XRCC5: variants seen among roughly 807,000 people sequenced by gnomAD.
XRCC5 encodes the protein X-ray repair cross complementing 5.
A neutral mutation model predicts 95.7 loss-of-function variants in XRCC5; 12 were observed. The ratio of observed to expected loss-of-function variants is 0.13; its 90% CI spans 0.08 to 0.20. The LOEUF (loss-of-function observed/expected upper bound fraction) is 0.20, where lower values mean the gene tolerates loss of function less well. Ranked by LOEUF, XRCC5 falls within the 10% of genes least tolerant of loss-of-function variation. The pLI is 1.00. For missense variants in XRCC5, 595 were observed against 873.9 expected (o/e 0.68, Z 4.02); for synonymous variants, 281 against 290.3 (o/e 0.97, Z 0.33).
chr2:216,141,881 T>A (rs1697178263), intron 13 of XRCC5, among the ~76,000 whole-genome samples: 1 of 152,028 alleles, frequency 6.6e-6, no homozygotes, highest in African/African-American at 2.4e-5. Context: ...GGTGAAACCC[T>A]GTCTCTACCA....
chr2:216,200,404 T>C (rs775552181), intron 19 of XRCC5, among the ~76,000 whole-genome samples: 3 of 152,228 alleles, frequency 2.0e-5, no homozygotes, highest in Non-Finnish European at 4.4e-5. Context: ...TTTTCTGCTT[T>C]CATTTTCTGC....
chr2:216,118,179 T>G lies in XRCC5; in HGVS notation c.368+385T>G, dbSNP rs574038136. Among the ~76,000 whole-genome samples, 309 of 151,600 alleles carry G rather than the reference T, an allele frequency of 2.0e-3. 2 individuals are homozygous for G. The highest frequency in any genetic ancestry group is 6.9e-3 in the African/African-American group (286 of 41,432). ...GTGTGTGTGTATGTTTTTTGTTGTTTTTTTTTTTTTGAGTTGGGGTCTTGT... is the reference window on the plus strand; with the variant it reads ...GTGTGTGTGTATGTTTTTTGTTGTTGTTTTTTTTTTGAGTTGGGGTCTTGT... On this transcript the variant is annotated intron_variant, in intron 4 of 20. Transcript: ENST00000392132.
intron 17 of XRCC5, among the ~76,000 whole-genome samples, chr2:216,192,202 C>T (rs1689626098): frequency 6.6e-6 from 1 of 152,042 alleles, no homozygotes; most frequent in Non-Finnish European, 1.5e-5. Context: ...CCATGTTGGC[C>T]AGGCTGATCT....
At chr2:216,183,824 T>A (rs1689438031) in intron 16 of XRCC5, among the ~76,000 whole-genome samples, 1 of 152,216 alleles carries the variant, frequency 6.6e-6, no homozygotes, top group Non-Finnish European at 1.5e-5. Context: ...AATTTCAATG[T>A]CATTTTCAGG....
chr2:216,159,713 G>A (rs1010426987), intron 14 of XRCC5, among the ~76,000 whole-genome samples: 2 of 152,216 alleles, frequency 1.3e-5, no homozygotes, highest in Non-Finnish European at 2.9e-5. Context: ...TATCTGAAGA[G>A]TAAATGGATT....
At chr2:216,157,731 C>T (rs1574470683) in intron 14 of XRCC5, among the ~76,000 whole-genome samples, 1 of 152,210 alleles carries the variant, frequency 6.6e-6, no homozygotes, top group South Asian at 2.1e-4. Flanking sequence ...AAGTGAATTG[C>T]AAAATTCATA....
At position 216,137,106 on chromosome 2, in the gene XRCC5, T is replaced by C; in HGVS notation, c.1132T>C (p.Ser378Pro). ...RDDEAAAVAL[S>P]SLIHALDDLD... ...TTACCAGGCAGCTGCAGTTGCACTTTCCTCCCTGATTCATGCTTTGGATGA... is the reference window on the plus strand; with the variant it reads ...TTACCAGGCAGCTGCAGTTGCACTTCCCTCCCTGATTCATGCTTTGGATGA... Residue 378 changes from serine (S) to proline (P), a missense_variant, in exon 11 of 21, where the codon TCC becomes CCC. By Grantham distance (74) the Ser-to-Pro change is moderately conservative. Around this residue, in one of 2 missense-constraint regions of XRCC5, gnomAD observed 286 missense variants for 491.1 expected, o/e 0.58. Transcript: ENST00000392132. 6.2e-7 allele frequency: 1 copy of C among 1,613,430 alleles called. No homozygotes were observed. Among genetic ancestry groups the C allele is most frequent in the African/African-American group, 1.3e-5 (1 of 75,050 alleles).
chr2:216,168,502 G>A (rs1217687039), intron 16 of XRCC5, among the ~76,000 whole-genome samples: 3 of 152,106 alleles, frequency 2.0e-5, no homozygotes, highest in Non-Finnish European at 2.9e-5. Context: ...ATTTTTCAGC[G>A]ACTCTTCCTA....
chr2:216,186,818 A>G (rs1337744595), intron 16 of XRCC5, among the ~76,000 whole-genome samples: 1 of 152,246 alleles, frequency 6.6e-6, no homozygotes, highest in Non-Finnish European at 1.5e-5. Context: ...CACCCTGATG[A>G]TCAGCATTTC....
At chr2:216,179,467 A>G (rs1226462003) in intron 16 of XRCC5, among the ~76,000 whole-genome samples, 1 of 152,218 alleles carries the variant, frequency 6.6e-6, no homozygotes, top group Non-Finnish European at 1.5e-5. Context: ...ACAGCACTAT[A>G]GAGAAAAGTT....
rs113829326 is a variant in XRCC5 at position 216,144,757 on chromosome 2, C to T, written c.1477-3326C>T. ...GCCTAGAAGACAAGTCAGGTCTAAA[C>T]ACAGATTTGAGAGTCCTCCTCATTG... On this transcript the variant is annotated intron_variant, in intron 13 of 20. Transcript: ENST00000392132. Among the ~76,000 whole-genome samples, 1,122 of 152,172 alleles carry T rather than the reference C, an allele frequency of 7.4e-3. 17 individuals are homozygous for T. Among genetic ancestry groups the T allele is most frequent in the African/African-American group, 0.025 (1,038 of 41,552 alleles).
chr2:216,137,680 G>C (rs1398205305), intron 11 of XRCC5, among the ~76,000 whole-genome samples: 1 of 152,030 alleles, frequency 6.6e-6, no homozygotes, highest in African/African-American at 2.4e-5. Context: ...TTTGTGAAAC[G>C]GTTTATTTAG....
At chr2:216,166,902 G>T (rs1377197972) in intron 16 of XRCC5, among the ~76,000 whole-genome samples, 1 of 152,072 alleles carries the variant, frequency 6.6e-6, no homozygotes, top group African/African-American at 2.4e-5. Context: ...CAGAAAGGAT[G>T]GATATATGGG....
intron 18 of XRCC5, among the ~76,000 whole-genome samples, chr2:216,194,471 TGATCTGA>T (rs1689678800): frequency 6.6e-6 from 1 of 152,180 alleles, no homozygotes; most frequent in African/African-American, 2.4e-5. Context: ...ATAAACAAAG[TGATCTGA>T]GATTTCTAAA....
At chr2:216,152,935 C>T (rs1688771456) in intron 14 of XRCC5, among the ~76,000 whole-genome samples, 1 of 152,152 alleles carries the variant, frequency 6.6e-6, no homozygotes, top group Non-Finnish European at 1.5e-5. Context: ...TTTTTAGCTT[C>T]TCCCTCGCTA....
At chr2:216,180,399 G>T (rs1180606672) in intron 16 of XRCC5, among the ~76,000 whole-genome samples, 1 of 152,254 alleles carries the variant, frequency 6.6e-6, no homozygotes, top group African/African-American at 2.4e-5. Context: ...GCCAAGGCGG[G>T]TGGATCACTT....
chr2:216,129,866 C>CA (rs1376273139), intron 8 of XRCC5, among the ~76,000 whole-genome samples: 1 of 152,010 alleles, frequency 6.6e-6, no homozygotes, highest in Admixed American at 6.6e-5. Context: ...TTAGTAGAGA[C>CA]AGAGTTTCAC....
At chr2:216,174,101 A>T (rs1168594539) in intron 16 of XRCC5, among the ~76,000 whole-genome samples, 1 of 152,204 alleles carries the variant, frequency 6.6e-6, no homozygotes, top group Non-Finnish European at 1.5e-5. Context: ...TATTCTTTAC[A>T]TATTTCATAT....
chr2:216,148,412 C>T, intron 14 of XRCC5, 136 bp downstream of exon 14: 1 of 739,086 alleles, frequency 1.4e-6, no homozygotes, highest in Non-Finnish European at 2.1e-6. Flanking sequence ...CTATTTGGCC[C>T]TTATATTGAA....
Sources: allele counts gnomAD v4.1 joint callset (sites outside exome capture counted in the v4.1 genomes callset), GRCh38; gene constraint gnomAD v4.1.1; regional missense constraint gnomAD v4.1.1; transcripts MANE v1.5; gene names NCBI Gene and HGNC (gene_info 2026-07-23, HGNC 2026-07-21).